Variants in CCDC68 observed in about 807,000 individuals in gnomAD.
CCDC68 encodes the protein coiled-coil domain containing 68, also known as coiled-coil domain-containing protein 68.
In CCDC68, 45 loss-of-function variants were observed where a neutral mutation model predicts 47.1. The ratio of observed to expected loss-of-function variants is 0.96; its 90% CI spans 0.75 to 1.23. CCDC68 has a LOEUF of 1.23. Among genes scored for constraint, CCDC68 ranks in the 50% most tolerant of loss-of-function variants. The pLI is 0.00. For synonymous variants in CCDC68, 131 were observed against 129.5 expected (o/e 1.01, Z -0.08); for missense variants, 353 against 373.6 (o/e 0.94, Z 0.45).
chr18:54,945,272 T>C (rs987253959), intron 2 of CCDC68, 116 bp downstream of exon 2: 2 of 152,162 alleles, frequency 1.3e-5, no homozygotes, highest in African/African-American at 4.8e-5. Flanking sequence ...ATTTCTATAA[T>C]AAATAGTAAA....
intron 1 of CCDC68, among the ~76,000 whole-genome samples, chr18:54,949,948 T>G (rs62091552): frequency 0.23 from 34,898 of 152,118 alleles, 4,444 homozygotes; most frequent in African/African-American, 0.35. Context: ...GTGGCCAGTG[T>G]CCAGTGGCTA....
In CCDC68 at chr18:54,904,338, C is replaced by T; in HGVS notation, c.*20G>A. 1.3e-6 allele frequency: 2 copies of T among 1,596,776 alleles called. No individual in the cohort carries two copies. Among genetic ancestry groups the T allele is most frequent in the Non-Finnish European group, 1.7e-6 (2 of 1,164,672 alleles). On this transcript the variant is annotated 3_prime_UTR_variant, in exon 12 of 12. Coordinates refer to ENST00000591504, the MANE Select transcript of CCDC68 (RefSeq NM_025214.3). The stretch of plus-strand genomic sequence containing the variant: ...TAAGACTCACGCAGTCTTTCTAAAT[C>T]AGATCTTCATCCAGCCAGTTCATTT...
At position 54,921,766 on chromosome 18, in the gene CCDC68, A is replaced by G. The variant is rs548152222; in HGVS notation, c.684-2390T>C. On this transcript the variant is annotated intron_variant, in intron 8 of 11. Transcript: ENST00000591504. ...CTCTTGATTAACACTACAAGCAACT[A>G]TGAAACTAAGAAAAGCTATGAAAGA... Among the ~76,000 whole-genome samples, 3 of 152,384 alleles carry G rather than the reference A, an allele frequency of 2.0e-5. No homozygotes were observed. In the South Asian group the frequency reaches 6.2e-4, roughly 32 times the overall value.
intron 1 of CCDC68, among the ~76,000 whole-genome samples, chr18:54,952,429 T>C (rs1482241030): frequency 1.3e-5 from 2 of 152,160 alleles, no homozygotes; most frequent in Non-Finnish European, 2.9e-5. Context: ...AAAAAAATTA[T>C]CCAGCAAGGG....
At chr18:54,926,950 C>T (rs866616903) in intron 8 of CCDC68, among the ~76,000 whole-genome samples, 1 of 152,184 alleles carries the variant, frequency 6.6e-6, no homozygotes, top group Non-Finnish European at 1.5e-5. Flanking sequence ...GTGTCAATTA[C>T]CAGTAATGGT....
intron 1 of CCDC68, among the ~76,000 whole-genome samples, chr18:54,957,627 A>T (rs9965999): frequency 0.34 from 48,490 of 143,374 alleles, 8,831 homozygotes; most frequent in East Asian, 0.55. Flanking sequence ...ACACACACAC[A>T]CTCTCTCTCT....
chr18:54,958,666 T>C (rs1029429434), intron 1 of CCDC68, among the ~76,000 whole-genome samples: 3 of 152,208 alleles, frequency 2.0e-5, no homozygotes, highest in Non-Finnish European at 4.4e-5. Context: ...TTCACAGCTA[T>C]GTTATCATCC....
At chr18:54,913,274 G>T (rs1256494186) in intron 10 of CCDC68, among the ~76,000 whole-genome samples, 1 of 152,164 alleles carries the variant, frequency 6.6e-6, no homozygotes, top group Non-Finnish European at 1.5e-5. Flanking sequence ...AACGATTTTA[G>T]CATGAATGAG....
chr18:54,936,314 TA>T (rs1281785970), intron 6 of CCDC68, among the ~76,000 whole-genome samples: 1 of 146,656 alleles, frequency 6.8e-6, no homozygotes, highest in Non-Finnish European at 1.5e-5. Flanking sequence ...ATATATAAAA[TA>T]TATAACTTTA....
intron 10 of CCDC68, among the ~76,000 whole-genome samples, chr18:54,913,564 G>T (rs28614017): frequency 0.014 from 2,167 of 152,306 alleles, 52 homozygotes; most frequent in African/African-American, 0.05. Context: ...CACTTTGGGA[G>T]GCCAAGGCAG....
At chr18:54,930,864 A>ATGT (rs1361163505) in intron 7 of CCDC68, among the ~76,000 whole-genome samples, 2 of 151,222 alleles carry the variant, frequency 1.3e-5, no homozygotes, top group African/African-American at 4.9e-5. Flanking sequence ...GATTACAGGC[A>ATGT]TGTACCACCA....
In CCDC68 at chr18:54,904,061, A is replaced by T. The variant is rs1309215812; in HGVS notation, c.*297T>A. 11 of 267,136 alleles carry T rather than the reference A, an allele frequency of 4.1e-5. No individual in the cohort carries two copies. In the East Asian group the frequency reaches 8.8e-4, roughly 21 times the overall value. The allele number at this position is 267,136 out of a possible 1,614,324, so 16.5% of individuals were successfully genotyped here. On this transcript the variant is annotated 3_prime_UTR_variant, in exon 12 of 12. Transcript: ENST00000591504. ...ATCTTAAAACAATCCCAGTAGAAAA[A>T]AAAATCTGAAAACAAGATTCAGATT...
intron 8 of CCDC68, among the ~76,000 whole-genome samples, chr18:54,925,013 T>C (rs2044122515): frequency 6.6e-6 from 1 of 152,210 alleles, no homozygotes; most frequent in African/African-American, 2.4e-5. Flanking sequence ...CAGGGTTCTT[T>C]TTATGACCAT....
At chr18:54,926,465 C>G (rs962679872) in intron 8 of CCDC68, among the ~76,000 whole-genome samples, 1 of 152,234 alleles carries the variant, frequency 6.6e-6, no homozygotes, top group Non-Finnish European at 1.5e-5. Flanking sequence ...GTTCAATTAC[C>G]TCCCACCAGG....
intron 1 of CCDC68, among the ~76,000 whole-genome samples, chr18:54,947,443 G>A (rs542249797): frequency 1.3e-5 from 2 of 152,178 alleles, no homozygotes; most frequent in Non-Finnish European, 1.5e-5. Context: ...AAGAAAGAAG[G>A]TTCCACAGCT....
chr18:54,948,822 C>T (rs8090082), intron 1 of CCDC68, among the ~76,000 whole-genome samples: 34,747 of 152,026 alleles, frequency 0.23, 4,397 homozygotes, highest in African/African-American at 0.35. Context: ...AAAGGAGGTG[C>T]TGTTCTAGAT....
At chr18:54,921,711 G>A (rs1414748948) in intron 8 of CCDC68, among the ~76,000 whole-genome samples, 2 of 152,208 alleles carry the variant, frequency 1.3e-5, no homozygotes, top group Non-Finnish European at 2.9e-5. Context: ...CCTACACAAC[G>A]AAATCTCACT....
chr18:54,905,898 T>C (rs1012284832), intron 11 of CCDC68, among the ~76,000 whole-genome samples: 2 of 152,192 alleles, frequency 1.3e-5, no homozygotes, highest in South Asian at 2.1e-4. Flanking sequence ...TAGAGTCTCA[T>C]AGGTGCACGA....
chr18:54,908,979 G>C (rs1236985140), intron 10 of CCDC68, among the ~76,000 whole-genome samples: 1 of 152,106 alleles, frequency 6.6e-6, no homozygotes, highest in Admixed American at 6.6e-5. Flanking sequence ...CGAAGTGCTG[G>C]GATTGTAGGT....
Sources: gnomAD v4.1 joint callset for allele counts (sites outside exome capture counted in the v4.1 genomes callset) on GRCh38, gnomAD v4.1.1 for gene constraint, MANE v1.5 for transcripts, NCBI Gene and HGNC (gene_info 2026-07-23, HGNC 2026-07-21) for gene names.